The following WIPI1 variants were observed in gnomAD, a reference collection of about 807,000 sequenced individuals.
WIPI1 encodes WD repeat domain, phosphoinositide interacting 1, also known as WD repeat domain phosphoinositide-interacting protein 1.
In WIPI1, 45 loss-of-function variants were observed where a neutral mutation model predicts 55.3. The observed-to-expected ratio is 0.81, with a 90% CI of 0.64 to 1.04. The LOEUF is 1.04. Among genes scored for constraint, WIPI1 ranks in the 50% least tolerant of loss-of-function variants. WIPI1 has a pLI of 0.00. For missense variants in WIPI1, 445 were observed against 559.0 expected (o/e 0.80, Z 2.06); for synonymous variants, 195 against 217.6 (o/e 0.90, Z 0.92).
intron 4 of WIPI1, among the ~76,000 whole-genome samples, chr17:68,439,732 C>G (rs1405049421): frequency 6.6e-6 from 1 of 152,308 alleles, no homozygotes; most frequent in East Asian, 1.9e-4. Flanking sequence ...CTGAGGTCTG[C>G]TATGTACTGT....
At chr17:68,445,617 G>A (rs897472636) in intron 3 of WIPI1, among the ~76,000 whole-genome samples, 79 of 152,220 alleles carry the variant, frequency 5.2e-4, no homozygotes, top group African/African-American at 1.6e-3. Context: ...CTCTCCACAT[G>A]AAAGCTTGTC....
At chr17:68,427,494 C>T in intron 10 of WIPI1, 1 of 310,120 alleles carries the variant, frequency 3.2e-6, no homozygotes, top group East Asian at 7.7e-5. Flanking sequence ...GTAGCTGCGA[C>T]TACAGGCACC....
chr17:68,430,540 A>G (rs576167188), intron 8 of WIPI1, among the ~76,000 whole-genome samples: 2 of 152,180 alleles, frequency 1.3e-5, no homozygotes, highest in Non-Finnish European at 2.9e-5. Flanking sequence ...TGCCGGGCTC[A>G]TGGAAGAACA....
At chr17:68,455,803 G>A (rs1310061010) in intron 1 of WIPI1, among the ~76,000 whole-genome samples, 2 of 151,786 alleles carry the variant, frequency 1.3e-5, no homozygotes, top group Non-Finnish European at 2.9e-5. Context: ...ACCCTTTTTT[G>A]TCAAATCTAA....
At chr17:68,455,155 A>C (rs1291209431) in intron 1 of WIPI1, among the ~76,000 whole-genome samples, 1 of 152,142 alleles carries the variant, frequency 6.6e-6, no homozygotes, top group Non-Finnish European at 1.5e-5. Context: ...TGAGGTCAGG[A>C]GTTCAAGACC....
chr17:68,444,306 C>T (rs113565011), intron 4 of WIPI1, among the ~76,000 whole-genome samples, 187 bp downstream of exon 4: 1 of 152,168 alleles, frequency 6.6e-6, no homozygotes. Context: ...ACACAGCCCC[C>T]CTGCAGGACA....
chr17:68,451,000 C>T, intron 2 of WIPI1, 103 bp from the exon 3 acceptor site: 2 of 1,454,186 alleles, frequency 1.4e-6, no homozygotes, highest in Non-Finnish European at 9.1e-7. Flanking sequence ...TCCAAAGGTT[C>T]TCCGGGTCTT....
intron 8 of WIPI1, among the ~76,000 whole-genome samples, chr17:68,431,411 G>A (rs1356577763): frequency 2.6e-5 from 4 of 152,046 alleles, no homozygotes; most frequent in African/African-American, 9.7e-5. Flanking sequence ...ATGGGATGGT[G>A]TCTCTGTGGC....
At chr17:68,429,660 C>T (rs2083420132) in intron 9 of WIPI1, among the ~76,000 whole-genome samples, 1 of 152,096 alleles carries the variant, frequency 6.6e-6, no homozygotes, top group Non-Finnish European at 1.5e-5. Flanking sequence ...ATGATCTCGG[C>T]TCACTGCAAC....
intron 1 of WIPI1, among the ~76,000 whole-genome samples, chr17:68,455,766 T>G (rs1448264116): frequency 6.6e-6 from 1 of 152,274 alleles, no homozygotes; most frequent in African/African-American, 2.4e-5. Context: ...GACTTTGCGT[T>G]ATTTAATGGC....
chr17:68,449,411 G>T (rs536279215), intron 3 of WIPI1, among the ~76,000 whole-genome samples: 16 of 152,302 alleles, frequency 1.1e-4, no homozygotes, highest in African/African-American at 3.8e-4. Flanking sequence ...GGATCCTTGA[G>T]CCCAGGAGTT....
At chr17:68,451,971 G>A (rs1389175582) in intron 2 of WIPI1, among the ~76,000 whole-genome samples, 2 of 152,126 alleles carry the variant, frequency 1.3e-5, no homozygotes, top group African/African-American at 4.8e-5. Flanking sequence ...CACAAAAATG[G>A]TGTAATAACA....
chr17:68,433,790 T>G (rs1276440790), intron 7 of WIPI1, among the ~76,000 whole-genome samples: 2 of 73,134 alleles, frequency 2.7e-5, no homozygotes, highest in African/African-American at 1.0e-4. Context: ...TTTTTTTTTT[T>G]TTTTTTTTGA....
At chr17:68,437,525 G>C (rs1363330806) in intron 4 of WIPI1, among the ~76,000 whole-genome samples, 1 of 151,764 alleles carries the variant, frequency 6.6e-6, no homozygotes, top group Non-Finnish European at 1.5e-5. Context: ...CTGCACTCCA[G>C]CCTGGGTGAG....
intron 3 of WIPI1, among the ~76,000 whole-genome samples, chr17:68,449,292 T>C (rs2084404553): frequency 6.6e-6 from 1 of 152,250 alleles, no homozygotes; most frequent in Non-Finnish European, 1.5e-5. Flanking sequence ...CTGCCTTTTC[T>C]ACCAGGTCGT....
chr17:68,424,170 A>C (rs1229486618), intron 12 of WIPI1, among the ~76,000 whole-genome samples: 1 of 152,226 alleles, frequency 6.6e-6, no homozygotes, highest in Non-Finnish European at 1.5e-5. Context: ...GAGGTTTTGA[A>C]GTTTATAATT....
chr17:68,432,646 C>T (rs989222634), intron 8 of WIPI1, among the ~76,000 whole-genome samples: 3 of 152,072 alleles, frequency 2.0e-5, no homozygotes, highest in Non-Finnish European at 4.4e-5. Flanking sequence ...CATGTATCAG[C>T]GTGATATGGT....
intron 3 of WIPI1, among the ~76,000 whole-genome samples, chr17:68,448,634 C>T (rs2084378235): frequency 6.6e-6 from 1 of 152,190 alleles, no homozygotes. Context: ...AGAAATCATA[C>T]AAGCAAATAC....
At chr17:68,452,801 A>G in intron 2 of WIPI1, 109 bp downstream of exon 2, 1 of 933,528 alleles carries the variant, frequency 1.1e-6, no homozygotes, top group African/African-American at 1.7e-5. Flanking sequence ...CCTAAGTTTG[A>G]TGGCTAAGGA....
Sources: gnomAD v4.1 joint callset for allele counts (sites outside exome capture counted in the v4.1 genomes callset) on GRCh38, gnomAD v4.1.1 for gene constraint, MANE v1.5 for transcripts, NCBI Gene and HGNC (gene_info 2026-07-23, HGNC 2026-07-21) for gene names.